Variants in CEP83 observed in about 807,000 individuals in gnomAD.
CEP83 encodes centrosomal protein of 83 kDa.
A neutral mutation model predicts 101.9 loss-of-function variants in CEP83; 70 were observed. That is an observed-to-expected ratio of 0.69 (90% CI 0.57 to 0.84). The LOEUF (loss-of-function observed/expected upper bound fraction) is 0.84, where lower values mean the gene tolerates loss of function less well. Among genes scored for constraint, CEP83 ranks in the 40% least tolerant of loss-of-function variants. The pLI is 0.00. For synonymous variants in CEP83, 264 were observed against 267.9 expected (o/e 0.99, Z 0.14); for missense variants, 715 against 787.2 (o/e 0.91, Z 1.10).
In CEP83 at chr12:94,385,789, A is replaced by G. The variant is rs148196486; in HGVS notation, c.550-6747T>C. On this transcript the variant is annotated intron_variant, in intron 6 of 16. Transcript: ENST00000397809. The stretch of plus-strand genomic sequence containing the variant: ...CAGCTAAGATATAGTAATGAGCCAC[A>G]TAATGAAGTTTCAGTCAACAACAGT... 7.8e-4 allele frequency among the ~76,000 whole-genome samples: 119 copies of G among 152,342 alleles called. 1 individual carries two copies. The East Asian group carries it at 0.022, about 28-fold the overall frequency.
At chr12:94,355,660 G>GT (rs1370563002) in intron 11 of CEP83, among the ~76,000 whole-genome samples, 3 of 152,218 alleles carry the variant, frequency 2.0e-5, no homozygotes, top group Non-Finnish European at 2.9e-5. Flanking sequence ...CTGCAGCAAT[G>GT]TAACATGTCC....
chr12:94,418,135 G>A (rs2064430106), intron 2 of CEP83, among the ~76,000 whole-genome samples: 1 of 152,196 alleles, frequency 6.6e-6, no homozygotes, highest in African/African-American at 2.4e-5. Flanking sequence ...GCTGAGGCAG[G>A]TGGGTTACTT....
At chr12:94,293,415 G>C in the CEP83 span, among the ~76,000 whole-genome samples, 1 of 152,194 alleles carries the variant, frequency 6.6e-6, no homozygotes, top group Non-Finnish European at 1.5e-5. Flanking sequence ...TAGTGTCATA[G>C]TCAGTTCGGG....
intron 1 of CEP83, among the ~76,000 whole-genome samples, chr12:94,440,243 A>G (rs2066299174): frequency 6.6e-6 from 1 of 152,200 alleles, no homozygotes; most frequent in African/African-American, 2.4e-5. Context: ...ATGAAGTCAA[A>G]GTGTTGCAGT....
intron 2 of CEP83, among the ~76,000 whole-genome samples, chr12:94,427,364 G>C (rs1014293521): frequency 1.3e-5 from 2 of 152,250 alleles, no homozygotes; most frequent in Non-Finnish European, 2.9e-5. Flanking sequence ...GTGAGCACTT[G>C]TTGGGCTAGT....
At chr12:94,444,305 G>A (rs1412155717) in intron 1 of CEP83, among the ~76,000 whole-genome samples, 2 of 152,126 alleles carry the variant, frequency 1.3e-5, no homozygotes, top group African/African-American at 4.8e-5. Flanking sequence ...GGCTGAGAGA[G>A]GATAATCACT....
intron 4 of CEP83, among the ~76,000 whole-genome samples, chr12:94,408,645 C>A (rs1236684342): frequency 6.6e-6 from 1 of 151,996 alleles, no homozygotes; most frequent in Admixed American, 6.6e-5. Context: ...GGTGGTGTAA[C>A]CATGGCTCCC....
intron 11 of CEP83, among the ~76,000 whole-genome samples, chr12:94,344,561 G>T (rs117341566): frequency 0.045 from 6,900 of 151,978 alleles, 212 homozygotes; most frequent in Non-Finnish European, 0.072. Context: ...TATATGCAAC[G>T]AACAATTAAG....
At chr12:94,409,905 T>A (rs1305035876) in intron 4 of CEP83, among the ~76,000 whole-genome samples, 1 of 152,160 alleles carries the variant, frequency 6.6e-6, no homozygotes, top group Non-Finnish European at 1.5e-5. Flanking sequence ...CATACTCCAA[T>A]ATGACCTCAT....
chr12:94,271,215 T>C, the CEP83 span, among the ~76,000 whole-genome samples: 6,727 of 152,332 alleles, frequency 0.044, 245 homozygotes, highest in African/African-American at 0.091. Flanking sequence ...AGGCCTTTTA[T>C]GATAAAGTTG....
intron 11 of CEP83, among the ~76,000 whole-genome samples, chr12:94,357,522 C>T (rs543873752): frequency 1.5e-4 from 23 of 152,258 alleles, no homozygotes; most frequent in African/African-American, 4.8e-4. Context: ...ATGAGGGAGC[C>T]GTCTCGGGCC....
the CEP83 span, among the ~76,000 whole-genome samples, chr12:94,275,711 C>T: frequency 1.4e-4 from 18 of 130,412 alleles, 4 homozygotes; most frequent in Non-Finnish European, 2.3e-4. Flanking sequence ...AAAAATTAGC[C>T]GGGCGTAGTG....
intron 11 of CEP83, among the ~76,000 whole-genome samples, chr12:94,351,350 G>A (rs949678345): frequency 6.6e-6 from 1 of 152,090 alleles, no homozygotes; most frequent in Admixed American, 6.5e-5. Flanking sequence ...ACACACACTG[G>A]GTCCCCCCAC....
intron 4 of CEP83, among the ~76,000 whole-genome samples, chr12:94,405,169 T>C (rs1238332086): frequency 6.6e-6 from 1 of 152,130 alleles, no homozygotes; most frequent in African/African-American, 2.4e-5. Context: ...AAGAGATTAA[T>C]AGGTAAAGCT....
chr12:94,454,791 G>T (rs961549887), intron 1 of CEP83, among the ~76,000 whole-genome samples: 2 of 148,156 alleles, frequency 1.3e-5, no homozygotes, highest in African/African-American at 5.0e-5. Context: ...AATGAACAAT[G>T]CCGGACGCGC....
the CEP83 span, among the ~76,000 whole-genome samples, chr12:94,268,800 G>A: frequency 6.6e-6 from 1 of 151,818 alleles, no homozygotes; most frequent in Non-Finnish European, 1.5e-5. Context: ...TCGCCGTGTT[G>A]GCTAGCCTGG....
chr12:94,297,968 T>TG, the CEP83 span, among the ~76,000 whole-genome samples: 35 of 152,180 alleles, frequency 2.3e-4, no homozygotes, highest in Admixed American at 2.3e-3. Flanking sequence ...AAGTCTGTGG[T>TG]GATCTTTTTT....
At chr12:94,386,690 C>T (rs953304151) in intron 6 of CEP83, among the ~76,000 whole-genome samples, 7 of 152,094 alleles carry the variant, frequency 4.6e-5, no homozygotes, top group Admixed American at 2.0e-4. Context: ...TTTCAGTAAA[C>T]GCCTTAAAGT....
intron 14 of CEP83, among the ~76,000 whole-genome samples, chr12:94,327,735 G>C (rs1210891074): frequency 6.6e-6 from 1 of 152,030 alleles, no homozygotes; most frequent in Non-Finnish European, 1.5e-5. Context: ...GAATACCTCT[G>C]GCAGTCACGC....
Sources: allele counts gnomAD v4.1 joint callset (sites outside exome capture counted in the v4.1 genomes callset), GRCh38; gene constraint gnomAD v4.1.1; transcripts MANE v1.5; gene names NCBI Gene and HGNC (gene_info 2026-07-23, HGNC 2026-07-21).